The following SLC10A7 variants were observed in gnomAD, a reference collection of about 807,000 sequenced individuals.
The protein encoded by SLC10A7 is sodium/bile acid cotransporter 7.
In SLC10A7, 29 loss-of-function variants were observed where a neutral mutation model predicts 43.2. That is an observed-to-expected ratio of 0.67 (90% CI 0.50 to 0.92). The LOEUF (loss-of-function observed/expected upper bound fraction) is 0.92, where lower values mean the gene tolerates loss of function less well. SLC10A7 is among the 40% of genes least tolerant of loss of function. The pLI is 0.00. For synonymous variants in SLC10A7, 152 were observed against 144.8 expected (o/e 1.05, Z -0.35); for missense variants, 295 against 403.2 (o/e 0.73, Z 2.30).
intron 9 of SLC10A7, among the ~76,000 whole-genome samples, chr4:146,292,671 G>GCTAACA (rs1730519059): frequency 6.6e-6 from 1 of 152,130 alleles, no homozygotes; most frequent in Non-Finnish European, 1.5e-5. Flanking sequence ...TCAGTATGAA[G>GCTAACA]CTAACAGCTC....
rs1004917289 is a variant in SLC10A7, at chr4:146,412,888, G to A, written c.435+29895C>T. Among the ~76,000 whole-genome samples, 20 of 151,992 alleles carry A rather than the reference G, an allele frequency of 1.3e-4. 1 individual carries two copies. Among genetic ancestry groups the A allele is most frequent in the African/African-American group, 4.8e-4 (20 of 41,408 alleles). ...TGTCTGTTTCCCTCTCTATTTGAAT[G>A]TAAATTTCACCTGGAAAAGGATCAT... On this transcript the variant is annotated intron_variant, in intron 5 of 11. Transcript: ENST00000335472.
chr4:146,271,214 C>G (rs1028021837), intron 10 of SLC10A7, among the ~76,000 whole-genome samples: 2 of 152,076 alleles, frequency 1.3e-5, no homozygotes, highest in African/African-American at 4.8e-5. Context: ...CACTGGATGT[C>G]AAAAAGACAT....
At chr4:146,260,354 A>G (rs1241586199) in intron 10 of SLC10A7, among the ~76,000 whole-genome samples, 1 of 152,210 alleles carries the variant, frequency 6.6e-6, no homozygotes, top group African/African-American at 2.4e-5. Flanking sequence ...TGATGCTAAG[A>G]CATTGGGGGA....
intron 4 of SLC10A7, among the ~76,000 whole-genome samples, chr4:146,500,053 T>C (rs545275313): frequency 5.6e-4 from 86 of 152,340 alleles, no homozygotes; most frequent in African/African-American, 1.9e-3. Context: ...AAAACCACAG[T>C]GCATACTAGT....
intron 4 of SLC10A7, among the ~76,000 whole-genome samples, chr4:146,485,846 T>C (rs1382211845): frequency 6.6e-6 from 1 of 151,224 alleles, no homozygotes; most frequent in East Asian, 1.9e-4. Flanking sequence ...GGAATTAAAA[T>C]TCACCAGAAG....
At chr4:146,318,498 C>T (rs1312154370) in intron 6 of SLC10A7, among the ~76,000 whole-genome samples, 1 of 152,076 alleles carries the variant, frequency 6.6e-6, no homozygotes, top group East Asian at 1.9e-4. Flanking sequence ...CTGGTCATTC[C>T]TTGGTCTACT....
At chr4:146,288,199 T>C (rs1730162304) in intron 9 of SLC10A7, among the ~76,000 whole-genome samples, 1 of 152,154 alleles carries the variant, frequency 6.6e-6, no homozygotes, top group Non-Finnish European at 1.5e-5. Flanking sequence ...ACAATATTCC[T>C]CCTCAATAGG....
intron 7 of SLC10A7, among the ~76,000 whole-genome samples, chr4:146,297,892 C>A (rs562345071): frequency 3.3e-5 from 5 of 152,300 alleles, no homozygotes; most frequent in Non-Finnish European, 5.9e-5. Context: ...TCTATTAATT[C>A]ATTCCATTCT....
intron 4 of SLC10A7, among the ~76,000 whole-genome samples, chr4:146,493,313 T>C (rs1017831961): frequency 1.8e-4 from 27 of 152,284 alleles, no homozygotes; most frequent in African/African-American, 6.3e-4. Context: ...CTAATCAAAA[T>C]AAACCAAATT....
intron 9 of SLC10A7, among the ~76,000 whole-genome samples, chr4:146,287,105 A>AGTCTGGAGTGGTGAGAAGAACCGT (rs1730067809): frequency 1.5e-5 from 1 of 66,396 alleles, no homozygotes; most frequent in Non-Finnish European, 3.0e-5. Flanking sequence ...AGAAGGACCG[A>AGTCTGGAGTGGTGAGAAGAACCGT]GTCTGGAGTG....
chr4:146,303,861 T>C (rs1337243930), intron 7 of SLC10A7, among the ~76,000 whole-genome samples: 1 of 75,564 alleles, frequency 1.3e-5, no homozygotes, highest in Non-Finnish European at 2.7e-5. Context: ...CCCTTTACGA[T>C]AGATATTATT....
chr4:146,387,794 T>C (rs552584864), intron 5 of SLC10A7, among the ~76,000 whole-genome samples: 1 of 152,016 alleles, frequency 6.6e-6, no homozygotes, highest in Non-Finnish European at 1.5e-5. Flanking sequence ...GGCAATCCAG[T>C]TGAAAACCAA....
chr4:146,348,583 A>G (rs1235977966), intron 5 of SLC10A7, among the ~76,000 whole-genome samples: 1 of 152,198 alleles, frequency 6.6e-6, no homozygotes, highest in Non-Finnish European at 1.5e-5. Context: ...GTATTTGACA[A>G]GCTTTTAAAC....
At chr4:146,348,827 T>A (rs932784401) in intron 5 of SLC10A7, among the ~76,000 whole-genome samples, 1 of 152,206 alleles carries the variant, frequency 6.6e-6, no homozygotes, top group African/African-American at 2.4e-5. Context: ...TTTCTATTAC[T>A]TTAAAGAGTG....
chr4:146,354,278 C>A (rs1039598378), intron 5 of SLC10A7, among the ~76,000 whole-genome samples: 4 of 151,610 alleles, frequency 2.6e-5, no homozygotes, highest in Middle Eastern at 3.2e-3. Context: ...TGAGTGAACT[C>A]CCATTCACAA....
intron 5 of SLC10A7, among the ~76,000 whole-genome samples, chr4:146,346,011 T>C (rs1406750100): frequency 6.6e-6 from 1 of 152,134 alleles, no homozygotes; most frequent in African/African-American, 2.4e-5. Context: ...CTGTAATTTT[T>C]GAGGTCAGGA....
At chr4:146,428,372 G>A (rs977701439) in intron 5 of SLC10A7, among the ~76,000 whole-genome samples, 49 of 151,990 alleles carry the variant, frequency 3.2e-4, no homozygotes, top group Non-Finnish European at 5.4e-4. Flanking sequence ...AATTTTAACC[G>A]CTGACAAGAT....
rs1727789327 is a variant in SLC10A7 at position 146,254,284 on chromosome 4, A to C, written c.*2207T>G. On this transcript the variant is annotated 3_prime_UTR_variant, in exon 12 of 12. Transcript: ENST00000335472. Reference sequence around the variant, plus strand: ...TGGAAAAATGAGTAAACATAAATATAATCTAATGTATTTCTTTCATAAATA... The same window carrying C: ...TGGAAAAATGAGTAAACATAAATATCATCTAATGTATTTCTTTCATAAATA... 6.6e-6 allele frequency: 1 copy of C among 152,212 alleles called. No homozygotes were observed. Among genetic ancestry groups the C allele is most frequent in the South Asian group, 2.1e-4 (1 of 4,826 alleles). 9.4% of individuals were successfully genotyped at this position (152,212 alleles called of 1,614,324 possible).
At chr4:146,498,074 T>C (rs888902876) in intron 4 of SLC10A7, among the ~76,000 whole-genome samples, 2 of 152,092 alleles carry the variant, frequency 1.3e-5, no homozygotes, top group African/African-American at 4.8e-5. Flanking sequence ...TCTATCTTCT[T>C]ATTTTTGGAA....
Sources: gnomAD v4.1 joint callset for allele counts (sites outside exome capture counted in the v4.1 genomes callset) on GRCh38, gnomAD v4.1.1 for gene constraint, MANE v1.5 for transcripts, NCBI Gene and HGNC (gene_info 2026-07-23, HGNC 2026-07-21) for gene names.